Variants in MED27 observed in about 807,000 individuals in gnomAD.
The protein encoded by MED27 is mediator of RNA polymerase II transcription subunit 27.
A neutral mutation model predicts 38.2 loss-of-function variants in MED27; 30 were observed. That is an observed-to-expected ratio of 0.79 (90% CI 0.59 to 1.07). The LOEUF (loss-of-function observed/expected upper bound fraction) is 1.07. Ranked by LOEUF, MED27 falls within the 50% of genes least tolerant of loss-of-function variation. The pLI is 0.00. For missense variants in MED27, 289 were observed against 397.5 expected, an observed-to-expected ratio of 0.73 and a Z score of 2.32; for synonymous variants, 122 against 153.5, an observed-to-expected ratio of 0.79 and a Z score of 1.52.
chr9:132,031,785 TA>T (rs1054055898), intron 2 of MED27: 1 of 151,256 alleles, frequency 6.6e-6, no homozygotes, highest in African/African-American at 2.4e-5. Context: ...AAATAAAAAC[TA>T]TACCAGGAAA....
intron 2 of MED27, among the ~76,000 whole-genome samples, chr9:132,061,139 G>A (rs372172921): frequency 2.0e-5 from 3 of 152,206 alleles, no homozygotes; most frequent in African/African-American, 4.8e-5. Context: ...AGAAAGGGGG[G>A]CGGCAAAAGG....
rs537761179 is a variant in MED27, at chr9:132,079,678, A to C, written c.167T>G (p.Phe56Cys). ...GTTGACCGAATGTAAGTTGTCCTGG[A>C]AGTGCGCAATAAAGGCCTTCTCCCG... ...EGREKAFIAH[F>C]QDNLHSVNRD... Residue 56 changes from phenylalanine (F) to cysteine (C), a missense_variant, in exon 1 of 8, where the codon TTC (phenylalanine) becomes TGC (cysteine). Phe to Cys is a radical substitution (Grantham distance 205). Transcript: ENST00000292035. 6.2e-7 allele frequency: 1 copy of C among 1,612,786 alleles called. No individual in the cohort carries two copies. Among genetic ancestry groups the C allele is most frequent in the East Asian group, 2.2e-5 (1 of 44,860 alleles).
rs1490726633 is a variant in MED27 at position 131,862,807 on chromosome 9, G to T, written c.801+256C>A. ...ATATCTGTGGACTAAGTCAATGCTGGAACTATTTTGGAAGATCATTTCTGA... is the reference window on the plus strand; with the variant it reads ...ATATCTGTGGACTAAGTCAATGCTGTAACTATTTTGGAAGATCATTTCTGA... On this transcript the variant is annotated intron_variant, in intron 7 of 7. Transcript: ENST00000292035. The surrounding 1 kb of genome is among the most constrained non-coding windows in gnomAD (Gnocchi z 4.6). Among the ~76,000 whole-genome samples, 1 of 152,222 alleles carries T rather than the reference G, an allele frequency of 6.6e-6. No individual in the cohort carries two copies. Among genetic ancestry groups the T allele is most frequent in the African/African-American group, 2.4e-5 (1 of 41,460 alleles).
intron 2 of MED27, among the ~76,000 whole-genome samples, chr9:132,055,618 A>G (rs1372245607): frequency 6.6e-6 from 1 of 152,176 alleles, no homozygotes; most frequent in Non-Finnish European, 1.5e-5. Flanking sequence ...CCTTATACTC[A>G]CTCATAGCAC....
intron 4 of MED27, among the ~76,000 whole-genome samples, chr9:131,915,907 C>T (rs1241314947): frequency 6.6e-6 from 1 of 152,234 alleles, no homozygotes; most frequent in Non-Finnish European, 1.5e-5. Flanking sequence ...TTACAATTTG[C>T]TTACAAGTCA....
intron 2 of MED27, among the ~76,000 whole-genome samples, chr9:132,065,847 G>A (rs1339177594): frequency 1.3e-5 from 2 of 152,232 alleles, no homozygotes; most frequent in South Asian, 2.1e-4. Context: ...CTCAATGGTA[G>A]AAGAAACCTC....
rs546284580 is a variant in MED27, at chr9:131,968,937, G to A, written c.480-29463C>T. Among the ~76,000 whole-genome samples, 517 of 152,246 alleles carry A rather than the reference G, an allele frequency of 3.4e-3. 6 individuals carry two copies. Among genetic ancestry groups the A allele is most frequent in the Non-Finnish European group, 6.3e-3 (430 of 68,010 alleles). On this transcript the variant is annotated intron_variant, in intron 3 of 7. Coordinates refer to ENST00000292035, the MANE Select transcript of MED27 (RefSeq NM_004269.4). ...CTGATTGTGAACTGCGCATGCGAGGGATCTAGCTTGCACGCTCCTTATGAG... is the reference window on the plus strand; with the variant it reads ...CTGATTGTGAACTGCGCATGCGAGGAATCTAGCTTGCACGCTCCTTATGAG...
intron 4 of MED27, among the ~76,000 whole-genome samples, chr9:131,903,442 C>A (rs183519657): frequency 6.6e-6 from 1 of 152,178 alleles, no homozygotes; most frequent in African/African-American, 2.4e-5. Flanking sequence ...CAGAGCCAAA[C>A]CATATCACAG....
At position 132,014,259 on chromosome 9, in the gene MED27, C is replaced by A; in HGVS notation, c.479+78G>T. 3 of 1,449,080 alleles carry A rather than the reference C, an allele frequency of 2.1e-6. No homozygotes were observed. In the South Asian group the frequency reaches 4.0e-5, roughly 20 times the overall value. 89.8% of individuals were successfully genotyped at this position (1,449,080 alleles called of 1,614,324 possible). On this transcript the variant is annotated intron_variant, in intron 3 of 7. Coordinates refer to ENST00000292035, the MANE Select transcript of MED27 (RefSeq NM_004269.4). Reference sequence around the variant, plus strand: ...GAGGGAATTTTGAAGAAAACAGTAACTTTCCACTACCCAAAAACAAGTATA... The same window carrying A: ...GAGGGAATTTTGAAGAAAACAGTAAATTTCCACTACCCAAAAACAAGTATA...
At chr9:131,963,652 T>C (rs1365422152) in intron 3 of MED27, among the ~76,000 whole-genome samples, 1 of 152,228 alleles carries the variant, frequency 6.6e-6, no homozygotes, top group African/African-American at 2.4e-5. Flanking sequence ...TTTATGAGTA[T>C]CTTTTTAAAA....
At chr9:131,983,519 G>C (rs1169786537) in intron 3 of MED27, among the ~76,000 whole-genome samples, 2 of 152,176 alleles carry the variant, frequency 1.3e-5, no homozygotes, top group Non-Finnish European at 2.9e-5. Flanking sequence ...TTTGGTGAGA[G>C]ACAAATGTAT....
intron 3 of MED27, among the ~76,000 whole-genome samples, chr9:132,005,549 T>C (rs909538036): frequency 6.6e-6 from 1 of 152,198 alleles, no homozygotes; most frequent in African/African-American, 2.4e-5. Context: ...GCAGGTATCC[T>C]AGTTCCTACC....
At chr9:131,971,970 A>G (rs957385306) in intron 3 of MED27, among the ~76,000 whole-genome samples, 1 of 152,114 alleles carries the variant, frequency 6.6e-6, no homozygotes, top group Admixed American at 6.5e-5. Context: ...AAGCTTGCAG[A>G]CTACACAGGC....
chr9:132,034,724 A>ACTAT (rs1193454737), intron 2 of MED27, among the ~76,000 whole-genome samples: 1 of 152,144 alleles, frequency 6.6e-6, no homozygotes, highest in African/African-American at 2.4e-5. Context: ...AGAGCACCAG[A>ACTAT]CTATGCACTG....
intron 2 of MED27, among the ~76,000 whole-genome samples, chr9:132,046,461 G>A (rs1421248960): frequency 1.3e-5 from 2 of 152,044 alleles, no homozygotes; most frequent in Admixed American, 1.3e-4. Flanking sequence ...CATTATTCTG[G>A]ATGCAAGTAA....
chr9:131,921,980 A>G (rs1413884101), intron 4 of MED27, among the ~76,000 whole-genome samples: 1 of 138,824 alleles, frequency 7.2e-6, no homozygotes, highest in Non-Finnish European at 1.5e-5. Flanking sequence ...TAATGAGAAC[A>G]CTTGGACACA....
Position 131,997,804 on chromosome 9 carries a change from G to A in MED27, c.479+16533C>T, listed in dbSNP as rs936712263. ...CCTCTGTAAAGCTGAGGCAAGTAAC[G>A]GTACCTCTCAAAGGACAGCGTTCAA... On this transcript the variant is annotated intron_variant, in intron 3 of 7. Transcript: ENST00000292035. The surrounding 1 kb of genome is among the most constrained non-coding windows in gnomAD (Gnocchi z 4.0). Among the ~76,000 whole-genome samples the A allele has an allele frequency of 3.9e-5, 6 of 152,288 alleles. No individual in the cohort carries two copies. The highest frequency in any genetic ancestry group is 5.9e-5 in the Non-Finnish European group (4 of 68,026).
chr9:132,000,423 C>T (rs554550869), intron 3 of MED27, among the ~76,000 whole-genome samples: 1 of 152,246 alleles, frequency 6.6e-6, no homozygotes, highest in African/African-American at 2.4e-5. Context: ...AACGACACAA[C>T]CTTTTGAAAA....
At chr9:131,867,012 G>A (rs75764371) in intron 6 of MED27, among the ~76,000 whole-genome samples, 3,509 of 152,272 alleles carry the variant, frequency 0.023, 64 homozygotes, top group Middle Eastern at 0.054. Context: ...AGGCTCCCCC[G>A]ATGGGGCTTG....
Sources: gnomAD v4.1 joint callset for allele counts (sites outside exome capture counted in the v4.1 genomes callset) on GRCh38, gnomAD v4.1.1 for gene constraint, Gnocchi (gnomAD v3.1) non-coding constraint, MANE v1.5 for transcripts, NCBI Gene and HGNC (gene_info 2026-07-23, HGNC 2026-07-21) for gene names.